The following INPP4B variants were observed in gnomAD, a reference collection of about 807,000 sequenced individuals.
INPP4B encodes the protein inositol polyphosphate 4-phosphatase type II.
INPP4B carries 55 observed loss-of-function variants against 122.5 expected under a neutral mutation model. The observed-to-expected ratio is 0.45, with a 90% CI of 0.36 to 0.56. The LOEUF is 0.56. Among genes scored for constraint, INPP4B ranks in the 20% least tolerant of loss-of-function variants. INPP4B has a pLI of 0.00. For missense variants in INPP4B, 1,000 were observed against 1,097.7 expected (o/e 0.91, Z 1.26); for synonymous variants, 403 against 388.7 (o/e 1.04, Z -0.43).
At chr4:142,415,410 A>T (rs1344623946) in intron 5 of INPP4B, among the ~76,000 whole-genome samples, 2 of 152,198 alleles carry the variant, frequency 1.3e-5, no homozygotes, top group East Asian at 3.9e-4. Context: ...AAAAATGCTC[A>T]TCAACACTGG....
At chr4:142,206,501 G>A (rs890287221) in intron 14 of INPP4B, among the ~76,000 whole-genome samples, 5 of 151,748 alleles carry the variant, frequency 3.3e-5, no homozygotes, top group African/African-American at 1.2e-4. Flanking sequence ...AAATCAGCTG[G>A]TGGTATATAT....
intron 23 of INPP4B, among the ~76,000 whole-genome samples, chr4:142,102,335 C>G (rs1269601341): frequency 6.6e-6 from 1 of 151,860 alleles, no homozygotes; most frequent in Non-Finnish European, 1.5e-5. Context: ...GACATGCACT[C>G]ACAGCTTTTA....
chr4:142,717,709 G>A lies in INPP4B; in HGVS notation c.-191+8130C>T, dbSNP rs112121694. On this transcript the variant is annotated intron_variant, in intron 2 of 25. Transcript: ENST00000262992. ...GAGCAATGAGAACACTTGGACACAG[G>A]GCGGGGAACATCACATACCGGGGCC... Among the ~76,000 whole-genome samples, 8 of 152,136 alleles carry A rather than the reference G, an allele frequency of 5.3e-5. 1 individual carries two copies. The highest frequency in any genetic ancestry group is 1.9e-4 in the African/African-American group (8 of 41,504).
At chr4:142,540,489 T>C (rs1580323559) in intron 2 of INPP4B, among the ~76,000 whole-genome samples, 1 of 152,176 alleles carries the variant, frequency 6.6e-6, no homozygotes, top group African/African-American at 2.4e-5. Flanking sequence ...CTTCTAGTTT[T>C]TATTTCTTCC....
intron 7 of INPP4B, among the ~76,000 whole-genome samples, chr4:142,319,008 G>A (rs185117489): frequency 6.6e-6 from 1 of 152,308 alleles, no homozygotes; most frequent in East Asian, 1.9e-4. Flanking sequence ...GAGGGTGGGA[G>A]GACAGCGAGG....
rs1313449007 is a variant in INPP4B at position 142,024,809 on chromosome 4, A to T, written c.*3973T>A. On this transcript the variant is annotated 3_prime_UTR_variant, in exon 26 of 26. Coordinates refer to ENST00000262992, the MANE Select transcript of INPP4B (RefSeq NM_001101669.3). ...TTTAGTGATATCTGATTGGGCTAAC[A>T]GTTCCCTGAATTTAGCCCTGAGTTA... 1 of 152,184 alleles carries T rather than the reference A, an allele frequency of 6.6e-6. No individual in the cohort carries two copies. Among genetic ancestry groups the T allele is most frequent in the African/African-American group, 2.4e-5 (1 of 41,462 alleles). The allele number at this position is 152,184 out of a possible 1,614,324, so 9.4% of individuals were successfully genotyped here. A position where few individuals can be genotyped will look rare whatever the true frequency, so the allele number is the denominator to read the frequency against.
At chr4:142,241,448 C>T (rs542580804) in intron 11 of INPP4B, among the ~76,000 whole-genome samples, 17 of 152,212 alleles carry the variant, frequency 1.1e-4, no homozygotes, top group African/African-American at 3.1e-4. Flanking sequence ...GGAAAGTAAA[C>T]GGCAGATTTT....
Position 142,423,750 on chromosome 4 carries a change from C to T in INPP4B, c.136+5423G>A, listed in dbSNP as rs74663894. 1.9e-3 allele frequency: 790 copies of T among 425,874 alleles called. 5 individuals are homozygous for T. Among genetic ancestry groups the T allele is most frequent in the African/African-American group, 0.016 (739 of 47,630 alleles). 26.4% of individuals were successfully genotyped at this position (425,874 alleles called of 1,614,324 possible). ...CCACATGACACTTTTTACAATCATC[C>T]GCTTCCATAGAAAAAAAACAGACCT... On this transcript the variant is annotated intron_variant, in intron 5 of 25. Coordinates refer to ENST00000262992, the MANE Select transcript of INPP4B (RefSeq NM_001101669.3).
intron 16 of INPP4B, among the ~76,000 whole-genome samples, chr4:142,172,188 A>C (rs546017936): frequency 1.3e-5 from 2 of 152,042 alleles, no homozygotes; most frequent in South Asian, 4.1e-4. Flanking sequence ...GAAATGTCAA[A>C]ATCCATATAT....
At chr4:142,050,530 T>C (rs772561475) in intron 25 of INPP4B, among the ~76,000 whole-genome samples, 1 of 152,064 alleles carries the variant, frequency 6.6e-6, no homozygotes, top group Non-Finnish European at 1.5e-5. Flanking sequence ...TGATTCTATA[T>C]ATATTATGGG....
intron 11 of INPP4B, 122 bp downstream of exon 11, chr4:142,260,370 A>C (rs115791092): frequency 1.4e-6 from 1 of 692,444 alleles, no homozygotes. Context: ...GCCCCTTATG[A>C]TTTCCCAGTG....
chr4:142,484,161 G>A (rs1207276193), intron 2 of INPP4B, among the ~76,000 whole-genome samples: 3 of 152,068 alleles, frequency 2.0e-5, no homozygotes, highest in Non-Finnish European at 2.9e-5. Flanking sequence ...ACTTGGAAAC[G>A]AAAGCTGTAG....
intron 21 of INPP4B, among the ~76,000 whole-genome samples, chr4:142,120,201 A>G (rs899291433): frequency 1.3e-5 from 2 of 148,480 alleles, no homozygotes; most frequent in East Asian, 4.2e-4. Flanking sequence ...CTATTAATCT[A>G]CATTATATAC....
chr4:142,824,314 A>ATCTATCTATCTATCTATCTCTATC (rs70949192), intron 1 of INPP4B, among the ~76,000 whole-genome samples: 72 of 150,730 alleles, frequency 4.8e-4, no homozygotes, highest in African/African-American at 1.6e-3. Context: ...CTGTCTATCT[A>ATCTATCTATCTATCTATCTCTATC]TCTATCTCTA....
intron 2 of INPP4B, among the ~76,000 whole-genome samples, chr4:142,544,240 C>G (rs1206029723): frequency 6.6e-6 from 1 of 151,070 alleles, no homozygotes; most frequent in Non-Finnish European, 1.5e-5. Flanking sequence ...GCAGAATAAC[C>G]AGAAGCGTTA....
intron 12 of INPP4B, among the ~76,000 whole-genome samples, chr4:142,216,160 C>T (rs1847160510): frequency 6.6e-6 from 1 of 152,016 alleles, no homozygotes; most frequent in Non-Finnish European, 1.5e-5. Flanking sequence ...CAAAATAATT[C>T]TTCCTGGAAA....
chr4:142,689,656 A>G (rs1423120482), intron 2 of INPP4B, among the ~76,000 whole-genome samples: 1 of 152,178 alleles, frequency 6.6e-6, no homozygotes, highest in Non-Finnish European at 1.5e-5. Context: ...TAATTCTGCA[A>G]ACTTGTTATA....
At chr4:142,077,736 C>A (rs1158250196) in intron 25 of INPP4B, among the ~76,000 whole-genome samples, 4 of 151,340 alleles carry the variant, frequency 2.6e-5, no homozygotes, top group African/African-American at 9.7e-5. Context: ...TGTGGTACAA[C>A]TTGTGCCATA....
chr4:142,191,406 C>T (rs1201979981), intron 15 of INPP4B, among the ~76,000 whole-genome samples: 1 of 152,162 alleles, frequency 6.6e-6, no homozygotes, highest in Admixed American at 6.5e-5. Flanking sequence ...GCTCCTCCCC[C>T]ACTAGAAGAA....
Sources: gnomAD v4.1 joint callset for allele counts (sites outside exome capture counted in the v4.1 genomes callset) on GRCh38, gnomAD v4.1.1 for gene constraint, MANE v1.5 for transcripts, NCBI Gene and HGNC (gene_info 2026-07-23, HGNC 2026-07-21) for gene names.